The following DDR2 variants were observed in gnomAD, a reference collection of about 807,000 sequenced individuals.
DDR2 encodes discoidin domain-containing receptor 2.
Under a neutral mutation model 94.9 loss-of-function variants are expected in DDR2, and 27 were observed. That is an observed-to-expected ratio of 0.28 (90% CI 0.21 to 0.39). The LOEUF is 0.39. Among genes scored for constraint, DDR2 ranks in the 10% least tolerant of loss-of-function variants. The pLI is 1.00. For synonymous variants in DDR2, 382 were observed against 377.2 expected (o/e 1.01, Z -0.15); for missense variants, 783 against 1,076.0 (o/e 0.73, Z 3.81).
At chr1:162,657,220 C>A (rs565949877) in intron 2 of DDR2, among the ~76,000 whole-genome samples, 31 of 152,200 alleles carry the variant, frequency 2.0e-4, no homozygotes, top group African/African-American at 7.5e-4. Context: ...TCCTGTGAAG[C>A]CTGATTTTGG....
chr1:162,771,402 A>G (rs1001121286), intron 12 of DDR2, among the ~76,000 whole-genome samples: 1 of 152,240 alleles, frequency 6.6e-6, no homozygotes, highest in Non-Finnish European at 1.5e-5. Flanking sequence ...AAAGGATAAA[A>G]GGAAACTTGC....
intron 2 of DDR2, among the ~76,000 whole-genome samples, chr1:162,703,245 T>C (rs894281191): frequency 1.8e-4 from 28 of 152,230 alleles, no homozygotes; most frequent in African/African-American, 6.5e-4. Flanking sequence ...AAACGTATTA[T>C]ATTTGGCATT....
chr1:162,685,566 G>A (rs1437658146), intron 2 of DDR2, among the ~76,000 whole-genome samples: 1 of 151,734 alleles, frequency 6.6e-6, no homozygotes, highest in Non-Finnish European at 1.5e-5. Flanking sequence ...GTCAACTGGT[G>A]TTCCTGAACC....
intron 2 of DDR2, 52 bp from the exon 3 acceptor site, chr1:162,718,985 C>G: frequency 6.4e-7 from 1 of 1,552,978 alleles, no homozygotes; most frequent in Non-Finnish European, 8.9e-7. Context: ...ATCTGCCTCA[C>G]TCATTTCCTC....
chr1:162,683,222 C>G (rs997854986), intron 2 of DDR2, among the ~76,000 whole-genome samples: 1 of 152,048 alleles, frequency 6.6e-6, no homozygotes, highest in African/African-American at 2.4e-5. Flanking sequence ...CAGCTAACAT[C>G]ATACTTTGTG....
chr1:162,786,502 C>A lies in DDR2; in HGVS notation c.*6256C>A, dbSNP rs1045033. 36 of 152,314 alleles carry A rather than the reference C, an allele frequency of 2.4e-4. No individual in the cohort carries two copies. Among genetic ancestry groups the A allele is most frequent in the Middle Eastern group, 3.4e-3 (1 of 294 alleles). 9.4% of individuals were successfully genotyped at this position (152,314 alleles called of 1,614,324 possible). A position where few individuals can be genotyped will look rare whatever the true frequency, so the allele number is the denominator to read the frequency against. On this transcript the variant is annotated 3_prime_UTR_variant, in exon 18 of 18. Transcript: ENST00000367921. ...TGATACCAATTGTATATTTTCTTTT[C>A]TTTATTTATTCTCTGTAAGTCTGTC...
chr1:162,691,017 T>C (rs999327139), intron 2 of DDR2, among the ~76,000 whole-genome samples: 2 of 152,034 alleles, frequency 1.3e-5, no homozygotes, highest in African/African-American at 4.8e-5. Context: ...AAAACCTCTT[T>C]CCCCCCCAGG....
rs1224594499 is a variant in DDR2 at position 162,754,717 on chromosome 1, C to T, written c.279C>T (p.Thr93=). The T allele has an allele frequency of 1.9e-6, 3 of 1,613,924 alleles. No individual in the cohort carries two copies. Among genetic ancestry groups the T allele is most frequent in the African/African-American group, 1.3e-5 (1 of 74,874 alleles). The change falls in exon 5 of 18, where the codon ACC becomes ACT. Residue 93 remains threonine (T), a synonymous_variant. Transcript: ENST00000367921. The stretch of plus-strand genomic sequence containing the variant: ...AGTTTCTGCAGATTGACTTGCACAC[C>T]CTCCATTTTATCACTCTGGTGGGGA... ...LKEFLQIDLH[T]LHFITLVGTQ...
intron 2 of DDR2, among the ~76,000 whole-genome samples, chr1:162,710,789 A>C (rs79320990): frequency 8.2e-6 from 1 of 121,550 alleles, no homozygotes; most frequent in Non-Finnish European, 1.8e-5. Context: ...CACACACACA[A>C]ACATTGTATT....
Position 162,773,450 on chromosome 1 carries a change from C to CT in DDR2, c.1729-18dup. 6.2e-7 allele frequency: 1 copy of CT among 1,612,862 alleles called. No individual in the cohort carries two copies. The highest frequency in any genetic ancestry group is 8.5e-7 in the Non-Finnish European group (1 of 1,179,212). ...TTCAGGAGAAATGATGATGCTGAGA[C>CT]TAGATGACTTTTGTCTAGGTTCATC... On this transcript the variant is annotated intron_variant, in intron 13 of 17. Coordinates refer to ENST00000367921, the MANE Select transcript of DDR2 (RefSeq NM_006182.4).
chr1:162,650,717 C>G (rs1260751860), intron 1 of DDR2, among the ~76,000 whole-genome samples: 1 of 151,988 alleles, frequency 6.6e-6, no homozygotes, highest in African/African-American at 2.4e-5. Flanking sequence ...ATTCTCAATC[C>G]TCTCCACATT....
intron 2 of DDR2, among the ~76,000 whole-genome samples, chr1:162,673,065 T>G (rs1362159491): frequency 6.6e-6 from 1 of 152,364 alleles, no homozygotes; most frequent in East Asian, 1.9e-4. Context: ...TGGGCTCTAA[T>G]TGCCCATTTT....
intron 2 of DDR2, among the ~76,000 whole-genome samples, chr1:162,681,439 A>C (rs1210309823): frequency 1.3e-5 from 2 of 152,178 alleles, no homozygotes; most frequent in Admixed American, 6.5e-5. Flanking sequence ...GCCTACCCGA[A>C]TCCCAAGAGA....
intron 2 of DDR2, among the ~76,000 whole-genome samples, chr1:162,674,858 A>T (rs576562036): frequency 2.6e-5 from 4 of 152,320 alleles, no homozygotes; most frequent in African/African-American, 9.6e-5. Context: ...GATTTGGATA[A>T]GAAGAGAAAC....
intron 2 of DDR2, among the ~76,000 whole-genome samples, chr1:162,688,931 T>C (rs1659824979): frequency 6.6e-6 from 1 of 152,204 alleles, no homozygotes; most frequent in Non-Finnish European, 1.5e-5. Flanking sequence ...ACCCTGGTGC[T>C]CTGTTTTCAC....
At chr1:162,677,560 A>T (rs1659194714) in intron 2 of DDR2, among the ~76,000 whole-genome samples, 1 of 152,212 alleles carries the variant, frequency 6.6e-6, no homozygotes, top group Non-Finnish European at 1.5e-5. Flanking sequence ...AACCTCTCTT[A>T]CATGAATAGG....
intron 2 of DDR2, among the ~76,000 whole-genome samples, chr1:162,713,767 T>C (rs184963477): frequency 3.3e-5 from 5 of 152,320 alleles, no homozygotes; most frequent in Admixed American, 2.6e-4. Flanking sequence ...TTTTTCTAAG[T>C]TTTTGTTGTT....
chr1:162,699,305 G>A (rs73024505), intron 2 of DDR2, among the ~76,000 whole-genome samples: 19 of 152,126 alleles, frequency 1.2e-4, no homozygotes, highest in African/African-American at 2.9e-4. Context: ...TAATAATATC[G>A]TCTAAAGGAT....
At chr1:162,642,920 C>T (rs1657211730) in intron 1 of DDR2, among the ~76,000 whole-genome samples, 1 of 152,154 alleles carries the variant, frequency 6.6e-6, no homozygotes, top group African/African-American at 2.4e-5. Flanking sequence ...GAAAAATTTT[C>T]TAAGCCTTTT....
Sources: allele counts gnomAD v4.1 joint callset (sites outside exome capture counted in the v4.1 genomes callset), GRCh38; gene constraint gnomAD v4.1.1; transcripts MANE v1.5; gene names NCBI Gene and HGNC (gene_info 2026-07-23, HGNC 2026-07-21).